CLDN10: variants seen among roughly 807,000 people sequenced by gnomAD.
The protein encoded by CLDN10 is claudin-10.
Under a neutral mutation model 22.9 loss-of-function variants are expected in CLDN10, and 15 were observed. That is an observed-to-expected ratio of 0.65 (90% CI 0.44 to 1.01). CLDN10 has a LOEUF of 1.01. CLDN10 is among the 50% of genes least tolerant of loss of function. The pLI, the probability that CLDN10 is intolerant of heterozygous loss-of-function variation, is 0.00. For synonymous variants in CLDN10, 114 were observed against 111.4 expected, an observed-to-expected ratio of 1.02 and a Z score of -0.15; for missense variants, 247 against 287.8, an observed-to-expected ratio of 0.86 and a Z score of 1.03.
At chr13:95,485,159 G>A (rs528622301) in intron 1 of CLDN10, among the ~76,000 whole-genome samples, 117 of 152,240 alleles carry the variant, frequency 7.7e-4, no homozygotes, top group African/African-American at 2.7e-3. Flanking sequence ...AGGAAGCTGT[G>A]GGAGGCAGGC....
At chr13:95,471,032 G>C (rs2042626095) in intron 1 of CLDN10, among the ~76,000 whole-genome samples, 1 of 152,142 alleles carries the variant, frequency 6.6e-6, no homozygotes, top group African/African-American at 2.4e-5. Flanking sequence ...GAAAGGAGAG[G>C]TTACAGGAAA....
intron 1 of CLDN10, among the ~76,000 whole-genome samples, chr13:95,476,437 C>T (rs72649669): frequency 0.12 from 18,750 of 152,144 alleles, 1,530 homozygotes; most frequent in Non-Finnish European, 0.18. Flanking sequence ...GGCAGCTCTC[C>T]GGAGCCTTCT....
At chr13:95,528,976 G>A (rs2043313362) in intron 1 of CLDN10, among the ~76,000 whole-genome samples, 1 of 152,166 alleles carries the variant, frequency 6.6e-6, no homozygotes, top group Admixed American at 6.5e-5. Flanking sequence ...ACATAACTGA[G>A]TGATGGCCAA....
rs559049325 is a variant in CLDN10 at position 95,531,539 on chromosome 13, C to CT, written c.215-28584dup. On this transcript the variant is annotated intron_variant, in intron 1 of 4. Transcript: ENST00000376873. ...TTGGATGTTGATTGCTCAGTATTACCTTTTTTTTTGAGACAGGGTCTCACT... is the reference window on the plus strand; with the variant it reads ...TTGGATGTTGATTGCTCAGTATTACCTTTTTTTTTTGAGACAGGGTCTCACT... 9.6e-3 allele frequency among the ~76,000 whole-genome samples: 1,435 copies of CT among 150,180 alleles called. 31 individuals are homozygous for CT. The highest frequency in any genetic ancestry group is 0.033 in the African/African-American group (1,356 of 40,950).
chr13:95,512,146 G>A (rs375794107), intron 1 of CLDN10, among the ~76,000 whole-genome samples: 1 of 21,798 alleles, frequency 4.6e-5, no homozygotes, highest in African/African-American at 1.3e-4. Flanking sequence ...TTGTTTGTTT[G>A]TGTTCTGTTT....
intron 1 of CLDN10, among the ~76,000 whole-genome samples, chr13:95,545,919 G>A (rs1177208786): frequency 6.6e-6 from 1 of 152,258 alleles, no homozygotes; most frequent in African/African-American, 2.4e-5. Context: ...GCACGCAGAA[G>A]ACAGATTTAA....
chr13:95,448,006 TG>T (rs1402306999), intron 1 of CLDN10, among the ~76,000 whole-genome samples: 1 of 151,964 alleles, frequency 6.6e-6, no homozygotes, highest in Non-Finnish European at 1.5e-5. Flanking sequence ...CGGCGAGAGG[TG>T]GGGGTGATCT....
chr13:95,448,884 C>T (rs1214249516), intron 1 of CLDN10, among the ~76,000 whole-genome samples: 5 of 149,616 alleles, frequency 3.3e-5, no homozygotes, highest in Admixed American at 6.7e-5. Flanking sequence ...GGATTATAGG[C>T]GCATGCCACC....
chr13:95,435,935 C>T (rs774289215), intron 1 of CLDN10, among the ~76,000 whole-genome samples: 3 of 151,158 alleles, frequency 2.0e-5, no homozygotes, highest in Non-Finnish European at 4.4e-5. Context: ...AGATTATAGG[C>T]CTGAGCCACC....
chr13:95,456,420 C>G (rs1294526658), intron 1 of CLDN10, among the ~76,000 whole-genome samples: 2 of 152,064 alleles, frequency 1.3e-5, no homozygotes, highest in African/African-American at 4.8e-5. Context: ...AGGTGAAACC[C>G]CTGTCCAAGA....
At chr13:95,554,618 G>A (rs141822577) in intron 1 of CLDN10, among the ~76,000 whole-genome samples, 153 of 152,236 alleles carry the variant, frequency 1.0e-3, no homozygotes, top group Middle Eastern at 6.8e-3. Flanking sequence ...TGGCCTTCCT[G>A]TGTGCTCATG....
At chr13:95,559,997 T>C (rs1287217133) in intron 1 of CLDN10, 135 bp from the exon 2 acceptor site, 1 of 838,586 alleles carries the variant, frequency 1.2e-6, no homozygotes, top group African/African-American at 1.7e-5. Flanking sequence ...CCTTTCTTGC[T>C]TGTCTTGCCA....
intron 1 of CLDN10, among the ~76,000 whole-genome samples, chr13:95,512,297 A>G (rs2043112336): frequency 6.9e-6 from 1 of 144,654 alleles, no homozygotes; most frequent in South Asian, 2.3e-4. Context: ...TTCTGTTTGT[A>G]TATCTGTTTT....
At position 95,471,414 on chromosome 13, in the gene CLDN10, C is replaced by CAT. The variant is rs200802586; in HGVS notation, c.214+37371_214+37372dup. ...ACACACATGTATATATACACACACACATATACACACACACACACACACACA... is the reference window on the plus strand; with the variant it reads ...ACACACATGTATATATACACACACACATATATACACACACACACACACACACA... On this transcript the variant is annotated intron_variant, in intron 1 of 4. Transcript: ENST00000376873. Among the ~76,000 whole-genome samples the CAT allele has an allele frequency of 1.0e-4, 13 of 126,370 alleles. No individual in the cohort carries two copies. In the East Asian group the frequency reaches 2.6e-3, roughly 25 times the overall value. The allele number at this position is 126,370 out of a possible 152,430, so 82.9% of individuals were successfully genotyped here. A position where few individuals can be genotyped will look rare whatever the true frequency, so the allele number is the denominator to read the frequency against.
chr13:95,475,015 C>T (rs1288320917), intron 1 of CLDN10, among the ~76,000 whole-genome samples: 1 of 152,148 alleles, frequency 6.6e-6, no homozygotes, highest in Non-Finnish European at 1.5e-5. Flanking sequence ...TTGCAGGTCT[C>T]TTGTGTTTTG....
chr13:95,450,040 C>G (rs1279490713), intron 1 of CLDN10, among the ~76,000 whole-genome samples: 1 of 152,128 alleles, frequency 6.6e-6, no homozygotes. Flanking sequence ...CCACGCCCGG[C>G]CTTAAAATTT....
chr13:95,507,782 C>A (rs1483495536), intron 1 of CLDN10, among the ~76,000 whole-genome samples: 1 of 152,050 alleles, frequency 6.6e-6, no homozygotes. Flanking sequence ...CACCACCACG[C>A]CTGGCTAATT....
chr13:95,436,175 C>T (rs1007069135), intron 1 of CLDN10, among the ~76,000 whole-genome samples: 2 of 152,024 alleles, frequency 1.3e-5, no homozygotes, highest in African/African-American at 4.8e-5. Flanking sequence ...ACCCTTAACA[C>T]TTTCTTATTT....
At chr13:95,479,625 TA>T (rs2042722308) in intron 1 of CLDN10, 1 of 152,308 alleles carries the variant, frequency 6.6e-6, no homozygotes, top group African/African-American at 2.4e-5. Context: ...GAACATTAAC[TA>T]GAGAAAATGT....
Sources: allele counts gnomAD v4.1 joint callset (sites outside exome capture counted in the v4.1 genomes callset), GRCh38; gene constraint gnomAD v4.1.1; transcripts MANE v1.5; gene names NCBI Gene and HGNC (gene_info 2026-07-23, HGNC 2026-07-21).